DPY19L4: variants seen among roughly 807,000 people sequenced by gnomAD.
The protein encoded by DPY19L4 is probable C-mannosyltransferase DPY19L4.
In DPY19L4, 97 loss-of-function variants were observed where a neutral mutation model predicts 102.8. That is an observed-to-expected ratio of 0.94 (90% CI 0.80 to 1.12). The LOEUF (loss-of-function observed/expected upper bound fraction) is 1.12, where lower values mean the gene tolerates loss of function less well. Ranked by LOEUF, DPY19L4 falls within the 50% of genes most tolerant of loss-of-function variation. DPY19L4 has a pLI of 0.00. For missense variants in DPY19L4, 815 were observed against 850.4 expected (o/e 0.96, Z 0.52); for synonymous variants, 252 against 283.1 (o/e 0.89, Z 1.10).
intron 6 of DPY19L4, among the ~76,000 whole-genome samples, chr8:94,745,711 GAA>G (rs925057953): frequency 1.6e-4 from 24 of 152,134 alleles, no homozygotes; most frequent in African/African-American, 5.8e-4. Context: ...CAAAAAGAAG[GAA>G]AGAGTTTGTT....
In DPY19L4 at chr8:94,783,809, C is replaced by A. The variant is rs1247458846; in HGVS notation, c.1848+7C>A. The A allele has an allele frequency of 6.2e-7, 1 of 1,613,602 alleles. No individual in the cohort carries two copies. The highest frequency in any genetic ancestry group is 8.5e-7 in the Non-Finnish European group (1 of 1,179,794). ...TCTCAAGAGAAATGAAAATGTAAGA[C>A]ATTTTAAATTCTACATTTGGATCTC... On this transcript the variant is annotated splice_region_variant and intron_variant, in intron 17 of 18. Coordinates refer to ENST00000414645, the MANE Select transcript of DPY19L4 (RefSeq NM_181787.3).
At chr8:94,753,993 G>T (rs560835884) in intron 6 of DPY19L4, among the ~76,000 whole-genome samples, 2 of 152,252 alleles carry the variant, frequency 1.3e-5, no homozygotes, top group South Asian at 4.1e-4. Flanking sequence ...ACCAGCCTGG[G>T]CAACGTGGCA....
chr8:94,742,713 A>G (rs914198765), intron 6 of DPY19L4, among the ~76,000 whole-genome samples: 1 of 150,680 alleles, frequency 6.6e-6, no homozygotes, highest in Admixed American at 6.6e-5. Flanking sequence ...CACATGCCAC[A>G]ATGCCCAGCT....
intron 13 of DPY19L4, among the ~76,000 whole-genome samples, chr8:94,771,551 T>C (rs773652927): frequency 1.3e-5 from 2 of 152,212 alleles, no homozygotes; most frequent in African/African-American, 2.4e-5. Flanking sequence ...GAGATGTACA[T>C]GGTGCTATAA....
intron 12 of DPY19L4, among the ~76,000 whole-genome samples, 167 bp from the exon 13 acceptor site, chr8:94,770,284 GT>G (rs1377668287): frequency 6.6e-6 from 1 of 152,016 alleles, no homozygotes; most frequent in African/African-American, 2.4e-5. Context: ...CATATGTTAG[GT>G]ATTTAACTAG....
At chr8:94,770,622 G>A (rs186376865) in intron 13 of DPY19L4, 51 bp downstream of exon 13, 1 of 1,605,850 alleles carries the variant, frequency 6.2e-7, no homozygotes, top group South Asian at 1.1e-5. Flanking sequence ...TGTTGGCTGA[G>A]TGCGGTGACT....
chr8:94,740,575 C>G (rs1811400505), intron 6 of DPY19L4, among the ~76,000 whole-genome samples: 1 of 152,108 alleles, frequency 6.6e-6, no homozygotes, highest in African/African-American at 2.4e-5. Context: ...CTGCCTCAGC[C>G]TCGGGAGTAG....
intron 16 of DPY19L4, among the ~76,000 whole-genome samples, chr8:94,782,367 A>G (rs1240798508): frequency 6.6e-6 from 1 of 152,122 alleles, no homozygotes; most frequent in African/African-American, 2.4e-5. Flanking sequence ...AAAGAGGGCA[A>G]TTCTCAATGT....
intron 6 of DPY19L4, among the ~76,000 whole-genome samples, chr8:94,743,635 C>T (rs1811544076): frequency 6.6e-6 from 1 of 151,690 alleles, no homozygotes; most frequent in Non-Finnish European, 1.5e-5. Flanking sequence ...GACCCTGTCT[C>T]AAAAATAAAT....
At chr8:94,730,737 C>G (rs1438318630) in intron 2 of DPY19L4, among the ~76,000 whole-genome samples, 1 of 142,766 alleles carries the variant, frequency 7.0e-6, no homozygotes, top group Non-Finnish European at 1.5e-5. Context: ...AAGAGCGAAA[C>G]TCTGTCTCTT....
intron 7 of DPY19L4, among the ~76,000 whole-genome samples, chr8:94,756,713 G>A (rs1039515534): frequency 6.6e-6 from 1 of 152,162 alleles, no homozygotes; most frequent in African/African-American, 2.4e-5. Context: ...GAAGAAGCCT[G>A]TGGAGTCTGT....
chr8:94,736,752 C>G (rs546620102), intron 3 of DPY19L4, among the ~76,000 whole-genome samples: 1 of 152,298 alleles, frequency 6.6e-6, no homozygotes, highest in African/African-American at 2.4e-5. Flanking sequence ...GATTAAGTAT[C>G]TGCTGCTCTT....
intron 11 of DPY19L4, among the ~76,000 whole-genome samples, chr8:94,767,214 C>T (rs571999809): frequency 7.9e-5 from 12 of 152,190 alleles, no homozygotes; most frequent in Middle Eastern, 3.4e-3. Flanking sequence ...AACATCTTTT[C>T]CCACGGCTAG....
Position 94,761,686 on chromosome 8 carries a change from T to A in DPY19L4, c.736-14T>A, listed in dbSNP as rs1490293150. The A allele has an allele frequency of 6.4e-7, 1 of 1,570,510 alleles. No homozygotes were observed. Among genetic ancestry groups the A allele is most frequent in the Non-Finnish European group, 8.6e-7 (1 of 1,163,634 alleles). On this transcript the variant is annotated splice_polypyrimidine_tract_variant and intron_variant, in intron 7 of 18. Transcript: ENST00000414645. ...AGTTATTGATATTTAGTTTCTTTCATTTGTTTTCCCTAGAGGTTTTGCTAC... is the reference window on the plus strand; with the variant it reads ...AGTTATTGATATTTAGTTTCTTTCAATTGTTTTCCCTAGAGGTTTTGCTAC...
At chr8:94,764,685 G>GTC (rs1169771971) in intron 8 of DPY19L4, among the ~76,000 whole-genome samples, 3 of 80,734 alleles carry the variant, frequency 3.7e-5, no homozygotes, top group African/African-American at 2.1e-4. Flanking sequence ...GTGTGTCTGT[G>GTC]TGTGTATATA....
chr8:94,773,732 G>GT (rs1241860002), intron 13 of DPY19L4, among the ~76,000 whole-genome samples: 1 of 151,678 alleles, frequency 6.6e-6, no homozygotes, highest in Non-Finnish European at 1.5e-5. Context: ...GCCTGGCCTT[G>GT]TTTTTGTGTT....
In DPY19L4 at chr8:94,765,294, A is replaced by G; in HGVS notation, c.982A>G (p.Met328Val). Residue 328 changes from methionine to valine, a missense_variant, in exon 9 of 19, where the codon ATG becomes GTG. Coordinates refer to ENST00000414645, the MANE Select transcript of DPY19L4 (RefSeq NM_181787.3). ...TTTATTAAGTTTAGTAGCAGCCTTA[A>G]TGCTTGCTAAGTGCCTTCAGGTAAC... is the stretch of plus-strand genomic sequence containing the variant. ...SPLLSLVAAL[M>V]LAKCLQLNVK... The G allele has an allele frequency of 1.9e-6, 3 of 1,601,624 alleles. No homozygotes were observed. The highest frequency in any genetic ancestry group is 2.5e-6 in the Non-Finnish European group (3 of 1,177,078).
chr8:94,726,381 A>G lies in DPY19L4; in HGVS notation c.67A>G (p.Lys23Glu). The G allele has an allele frequency of 6.2e-7, 1 of 1,612,636 alleles. No homozygotes were observed. The highest frequency in any genetic ancestry group is 8.5e-7 in the Non-Finnish European group (1 of 1,179,664). Residue 23 changes from lysine (K) to glutamate (E), a missense_variant, in exon 2 of 19, where the codon AAG (lysine) becomes GAG (glutamate). Physicochemically the swap from Lys to Glu is moderately conservative, Grantham distance 56 (BLOSUM62 1). Transcript: ENST00000414645. Reference protein sequence around the residue: ...QRKKPKSSENKESAKEEKISD... With the variant: ...QRKKPKSSENEESAKEEKISD... The stretch of plus-strand genomic sequence containing the variant: ...AAAAAAGCCAAAGTCTTCAGAAAAT[A>G]AGGAATCTGCCAAAGAAGAGAAAAT...
At chr8:94,734,098 C>T (rs1250926846) in intron 2 of DPY19L4, among the ~76,000 whole-genome samples, 2 of 138,582 alleles carry the variant, frequency 1.4e-5, no homozygotes, top group Admixed American at 7.4e-5. Flanking sequence ...CTTGCTCTGT[C>T]CCCCAGGCTG....
Sources: gnomAD v4.1 joint callset for allele counts (sites outside exome capture counted in the v4.1 genomes callset) on GRCh38, gnomAD v4.1.1 for gene constraint, MANE v1.5 for transcripts, NCBI Gene and HGNC (gene_info 2026-07-23, HGNC 2026-07-21) for gene names.